DPP10: variants seen among roughly 807,000 people sequenced by gnomAD.
DPP10 encodes inactive dipeptidyl peptidase 10.
DPP10 carries 33 observed loss-of-function variants against 120.9 expected under a neutral mutation model. The ratio of observed to expected loss-of-function variants is 0.27; its 90% confidence interval spans 0.21 to 0.37. The LOEUF is 0.37. Ranked by LOEUF, DPP10 falls within the 10% of genes least tolerant of loss-of-function variation. The probability of loss-of-function intolerance (pLI) is 1.00; values close to 1 mark genes in which losing one functional copy is unlikely to be tolerated. For synonymous variants in DPP10, 337 were observed against 326.1 expected, an observed-to-expected ratio of 1.03 and a Z score of -0.36; for missense variants, 816 against 942.8, an observed-to-expected ratio of 0.87 and a Z score of 1.76.
At chr2:115,746,227 C>A in intron 10 of DPP10, 44 bp downstream of exon 10, 1 of 1,465,746 alleles carries the variant, frequency 6.8e-7, no homozygotes, top group South Asian at 1.2e-5. Context: ...TAGATATTTT[C>A]ACTCCAATTA....
chr2:114,987,200 G>A (rs17043874), intron 1 of DPP10, among the ~76,000 whole-genome samples: 27,389 of 152,092 alleles, frequency 0.18, 2,605 homozygotes, highest in Admixed American at 0.25. Context: ...CATCAGTAAA[G>A]TGGCTAGAAA....
chr2:115,612,238 A>T (rs1260386069), intron 5 of DPP10, among the ~76,000 whole-genome samples: 3 of 152,140 alleles, frequency 2.0e-5, no homozygotes, highest in Non-Finnish European at 4.4e-5. Context: ...GAAGCATGAA[A>T]TTTTCCAAAA....
chr2:114,815,563 A>G (rs575309903), intron 1 of DPP10, among the ~76,000 whole-genome samples: 1 of 152,324 alleles, frequency 6.6e-6, no homozygotes, highest in Admixed American at 6.5e-5. Context: ...ATCTAAGTGG[A>G]CAAAATTAAT....
chr2:115,172,539 G>A (rs1391932527), intron 1 of DPP10, among the ~76,000 whole-genome samples: 1 of 152,134 alleles, frequency 6.6e-6, no homozygotes, highest in Non-Finnish European at 1.5e-5. Flanking sequence ...ATTATTTTTA[G>A]TGGATAGACC....
chr2:115,469,740 A>T (rs2074562827), intron 3 of DPP10, among the ~76,000 whole-genome samples: 1 of 152,040 alleles, frequency 6.6e-6, no homozygotes, highest in African/African-American at 2.4e-5. Context: ...CTCTACTAAA[A>T]ATACAAAAGT....
chr2:115,753,332 T>C, intron 11 of DPP10, 35 bp downstream of exon 11: 1 of 1,568,976 alleles, frequency 6.4e-7, no homozygotes, highest in Non-Finnish European at 8.7e-7. Flanking sequence ...ATGCCTAAAA[T>C]GAAGTAGCTT....
chr2:115,722,412 TAG>T (rs1211291458), intron 7 of DPP10, among the ~76,000 whole-genome samples: 5 of 151,978 alleles, frequency 3.3e-5, no homozygotes, highest in Middle Eastern at 3.4e-3. Context: ...ATTTGTAAAA[TAG>T]AGTCATGTAT....
intron 1 of DPP10, among the ~76,000 whole-genome samples, chr2:115,017,068 G>A (rs1276579606): frequency 7.6e-6 from 1 of 131,080 alleles, no homozygotes; most frequent in Non-Finnish European, 1.6e-5. Context: ...GGAGTGGGGG[G>A]AGGGGGGAGG....
intron 3 of DPP10, among the ~76,000 whole-genome samples, chr2:115,472,529 C>T (rs1420910338): frequency 6.6e-6 from 1 of 152,100 alleles, no homozygotes; most frequent in African/African-American, 2.4e-5. Flanking sequence ...ACATTTTAAA[C>T]TTAAAGCAGA....
chr2:115,619,119 GT>G (rs11409177), intron 5 of DPP10, among the ~76,000 whole-genome samples: 54 of 84,454 alleles, frequency 6.4e-4, no homozygotes, highest in East Asian at 1.1e-3. Context: ...ATCATTTGTA[GT>G]TTTTTTTTTT....
At chr2:114,446,531 T>C (rs13010937) in intron 1 of DPP10, among the ~76,000 whole-genome samples, 2 of 152,196 alleles carry the variant, frequency 1.3e-5, no homozygotes, top group African/African-American at 4.8e-5. Flanking sequence ...TTCTCTTTCC[T>C]TTTTACAAGA....
At chr2:115,540,868 G>A (rs2079132047) in intron 5 of DPP10, among the ~76,000 whole-genome samples, 3 of 151,808 alleles carry the variant, frequency 2.0e-5, no homozygotes, top group South Asian at 2.1e-4. Context: ...TGCCTGTATA[G>A]TAACACATTC....
chr2:115,194,352 G>A (rs1181700079), intron 1 of DPP10, among the ~76,000 whole-genome samples: 2 of 152,086 alleles, frequency 1.3e-5, no homozygotes, highest in Non-Finnish European at 2.9e-5. Context: ...AGCCTCCTGA[G>A]TAGCTGGGAT....
intron 5 of DPP10, among the ~76,000 whole-genome samples, chr2:115,604,459 G>C (rs1054066216): frequency 1.3e-5 from 2 of 152,072 alleles, no homozygotes; most frequent in Non-Finnish European, 2.9e-5. Context: ...TCTCAACCTG[G>C]ACTATTTTAG....
chr2:114,864,090 T>C (rs1690033333), intron 1 of DPP10, among the ~76,000 whole-genome samples: 2 of 152,152 alleles, frequency 1.3e-5, no homozygotes, highest in Admixed American at 6.5e-5. Context: ...ATAAGGAAGG[T>C]CTCTTAGAGA....
At position 115,574,232 on chromosome 2, in the gene DPP10, A is replaced by G. The variant is rs764971474; in HGVS notation, c.441+48260A>G. 5.3e-5 allele frequency among the ~76,000 whole-genome samples: 8 copies of G among 152,250 alleles called. No homozygotes were observed. In the South Asian group the frequency reaches 6.2e-4, roughly 12 times the overall value. Reference sequence around the variant, plus strand: ...TTAATAGTACCCTCTCAGTATAGTCATATCTCTTCCCTGAACTACCATGAA... The same window carrying G: ...TTAATAGTACCCTCTCAGTATAGTCGTATCTCTTCCCTGAACTACCATGAA... On this transcript the variant is annotated intron_variant, in intron 5 of 25. Transcript: ENST00000410059.
chr2:114,571,938 TATA>T (rs1304088988), intron 1 of DPP10, among the ~76,000 whole-genome samples: 1 of 148,688 alleles, frequency 6.7e-6, no homozygotes, highest in Non-Finnish European at 1.5e-5. Context: ...ACATGTAGTA[TATA>T]ATATTTATAC....
intron 1 of DPP10, among the ~76,000 whole-genome samples, chr2:114,994,177 G>A (rs1700932909): frequency 6.6e-6 from 1 of 152,052 alleles, no homozygotes; most frequent in Non-Finnish European, 1.5e-5. Flanking sequence ...ACAATCTGGT[G>A]ATTAGCATAT....
At chr2:115,196,650 T>A (rs1312641949) in intron 1 of DPP10, among the ~76,000 whole-genome samples, 2 of 152,204 alleles carry the variant, frequency 1.3e-5, no homozygotes, top group African/African-American at 2.4e-5. Context: ...ACTCTTTTTT[T>A]AAAAGATTGG....
Sources: allele counts gnomAD v4.1 joint callset (sites outside exome capture counted in the v4.1 genomes callset), GRCh38; gene constraint gnomAD v4.1.1; transcripts MANE v1.5; gene names NCBI Gene and HGNC (gene_info 2026-07-23, HGNC 2026-07-21).